Variants in RAB21 observed in about 807,000 individuals in gnomAD.
RAB21 encodes the protein ras-related protein Rab-21.
RAB21 carries 13 observed loss-of-function variants against 33.1 expected under a neutral mutation model. That is an observed-to-expected ratio of 0.39 (90% CI 0.26 to 0.62). The LOEUF is 0.62. RAB21 is among the 20% of genes least tolerant of loss of function. The pLI is 0.48. For synonymous variants in RAB21, 91 were observed against 103.7 expected (o/e 0.88, Z 0.74); for missense variants, 234 against 279.1 (o/e 0.84, Z 1.15).
chr12:71,781,605 T>A (rs181222246), intron 4 of RAB21, among the ~76,000 whole-genome samples: 247 of 152,290 alleles, frequency 1.6e-3, no homozygotes, highest in African/African-American at 5.6e-3. Context: ...GAGGCTAGAT[T>A]AATATATTTT....
At chr12:71,776,749 A>G (rs570324828) in intron 4 of RAB21, among the ~76,000 whole-genome samples, 1 of 152,036 alleles carries the variant, frequency 6.6e-6, no homozygotes, top group Non-Finnish European at 1.5e-5. Flanking sequence ...CTTATTTACT[A>G]CTTTTCCCAA....
intron 4 of RAB21, among the ~76,000 whole-genome samples, chr12:71,778,232 T>G (rs1883149421): frequency 6.6e-6 from 1 of 152,180 alleles, no homozygotes; most frequent in Admixed American, 6.5e-5. Flanking sequence ...TTCCTCTAGG[T>G]TGTCATTAAT....
intron 4 of RAB21, among the ~76,000 whole-genome samples, chr12:71,778,866 G>A (rs1883157725): frequency 6.6e-6 from 1 of 152,182 alleles, no homozygotes; most frequent in Non-Finnish European, 1.5e-5. Context: ...TTACCTGCAA[G>A]GCGTGGTGGC....
chr12:71,755,089 G>C lies in RAB21; in HGVS notation c.-41G>C. 1 of 1,074,482 alleles carries C rather than the reference G, an allele frequency of 9.3e-7. No homozygotes were observed. Among genetic ancestry groups the C allele is most frequent in the East Asian group, 7.1e-5 (1 of 14,184 alleles). 66.6% of individuals were successfully genotyped at this position (1,074,482 alleles called of 1,614,324 possible). On this transcript the variant is annotated 5_prime_UTR_variant, in exon 1 of 7. Coordinates refer to ENST00000261263, the MANE Select transcript of RAB21 (RefSeq NM_014999.4). ...AGGCGCTGCCGCGGCTGTCGGGAGG[G>C]CGGCGCGACACTCGGGCTCGGGCGG...
chr12:71,793,127 T>G lies in RAB21; in HGVS notation c.*7454T>G, dbSNP rs1250872925. 1 of 152,234 alleles carries G rather than the reference T, an allele frequency of 6.6e-6. No individual in the cohort carries two copies. 9.4% of individuals were successfully genotyped at this position (152,234 alleles called of 1,614,324 possible). A position where few individuals can be genotyped will look rare whatever the true frequency, so the allele number is the denominator to read the frequency against. ...TGAATAAACTGATGCCTCCTGCTTA[T>G]TTAGACAGCAGCCATTTTTGTTTGG... On this transcript the variant is annotated 3_prime_UTR_variant, in exon 7 of 7. Coordinates refer to ENST00000261263, the MANE Select transcript of RAB21 (RefSeq NM_014999.4).
chr12:71,782,188 G>A, intron 5 of RAB21, 103 bp downstream of exon 5: 1 of 1,101,218 alleles, frequency 9.1e-7, no homozygotes, highest in Non-Finnish European at 1.3e-6. Flanking sequence ...CTCTTAGCAT[G>A]GATTGAGGTG....
chr12:71,777,921 T>G (rs941025859), intron 4 of RAB21, among the ~76,000 whole-genome samples: 3 of 152,206 alleles, frequency 2.0e-5, no homozygotes, highest in African/African-American at 7.2e-5. Flanking sequence ...ATTGCTTAAA[T>G]TTTTTAGCAG....
rs1336733434 is a variant in RAB21 at position 71,787,755 on chromosome 12, G to A, written c.*2082G>A. Reference sequence around the variant, plus strand: ...AGGAAGTTGGGGTGGGAAGAGTCAGGGAGATAAGCTAAAATTGTCTTCTTT... The same window carrying A: ...AGGAAGTTGGGGTGGGAAGAGTCAGAGAGATAAGCTAAAATTGTCTTCTTT... On this transcript the variant is annotated 3_prime_UTR_variant, in exon 7 of 7. Coordinates refer to ENST00000261263, the MANE Select transcript of RAB21 (RefSeq NM_014999.4). The A allele has an allele frequency of 1.3e-5, 2 of 152,084 alleles. No homozygotes were observed. Among genetic ancestry groups the A allele is most frequent in the Non-Finnish European group, 2.9e-5 (2 of 68,030 alleles). The allele number at this position is 152,084 out of a possible 1,614,324, so 9.4% of individuals were successfully genotyped here.
Position 71,770,648 on chromosome 12 carries a change from A to C in RAB21, c.276A>C (p.Ser92=). 6.2e-7 allele frequency: 1 copy of C among 1,609,356 alleles called. No individual in the cohort carries two copies. Among genetic ancestry groups the C allele is most frequent in the Non-Finnish European group, 8.5e-7 (1 of 1,176,306 alleles). ...HALGPIYYRD[S]NGAILVYDIT... is the part of the protein sequence containing the mutation. ...TGGGTCCAATTTACTACAGAGATTC[A>C]AATGGAGCGATTTTAGTTTATGACA... Residue 92 remains serine, a synonymous_variant, in exon 3 of 7, where the codon TCA becomes TCC. Transcript: ENST00000261263.
At chr12:71,774,679 C>T (rs1396139643) in intron 4 of RAB21, among the ~76,000 whole-genome samples, 1 of 151,256 alleles carries the variant, frequency 6.6e-6, no homozygotes, top group Non-Finnish European at 1.5e-5. Flanking sequence ...ATCACTTGAA[C>T]CCAGGAGGTG....
In RAB21 at chr12:71,762,286, GGTTTT is replaced by G. The variant is rs200338487; in HGVS notation, c.159+7029_159+7033del. Among the ~76,000 whole-genome samples the G allele has an allele frequency of 1.2e-3, 180 of 151,344 alleles. No individual in the cohort carries two copies. In the East Asian group the frequency reaches 0.013, roughly 11 times the overall value. On this transcript the variant is annotated intron_variant, in intron 1 of 6. Transcript: ENST00000261263. ...TGAAAATATTCAAGCACCTAGCTTAGGTTTTGTTTTGTTTTGTTTTGTTTTGTTTT... is the reference window on the plus strand; with the variant it reads ...TGAAAATATTCAAGCACCTAGCTTAGGTTTTGTTTTGTTTTGTTTTGTTTT...
At chr12:71,779,403 G>A (rs541379267) in intron 4 of RAB21, among the ~76,000 whole-genome samples, 4 of 152,256 alleles carry the variant, frequency 2.6e-5, no homozygotes, top group African/African-American at 7.2e-5. Flanking sequence ...GCAGAGAGCC[G>A]TGTTCACGCC....
At chr12:71,781,466 CAA>C (rs35453463) in intron 4 of RAB21, among the ~76,000 whole-genome samples, 103 of 110,206 alleles carry the variant, frequency 9.3e-4, no homozygotes, top group Middle Eastern at 5.3e-3. Flanking sequence ...GAGACTCCGT[CAA>C]AAAAAAAAAA....
Position 71,788,751 on chromosome 12 carries a change from A to C in RAB21, c.*3078A>C, listed in dbSNP as rs1214444745. Reference sequence around the variant, plus strand: ...TTAAGATAGTGATTAAAAATACCTGAATATTATGTTAAAAGTATACAATCA... The same window carrying C: ...TTAAGATAGTGATTAAAAATACCTGCATATTATGTTAAAAGTATACAATCA... On this transcript the variant is annotated 3_prime_UTR_variant, in exon 7 of 7. Transcript: ENST00000261263. 6.6e-6 allele frequency: 1 copy of C among 152,172 alleles called. No homozygotes were observed. The highest frequency in any genetic ancestry group is 1.5e-5 in the Non-Finnish European group (1 of 68,010). The allele number at this position is 152,172 out of a possible 1,614,324, so 9.4% of individuals were successfully genotyped here. A position where few individuals can be genotyped will look rare whatever the true frequency, so the allele number is the denominator to read the frequency against.
At position 71,794,221 on chromosome 12, in the gene RAB21, CAAAAAAAGAAAAAA is replaced by C. The variant is rs1883427827; in HGVS notation, c.*8549_*8562del. 7.7e-6 allele frequency: 1 copy of C among 130,160 alleles called. No individual in the cohort carries two copies. The highest frequency in any genetic ancestry group is 3.4e-5 in the African/African-American group (1 of 29,038). The allele number at this position is 130,160 out of a possible 1,614,324, so 8.1% of individuals were successfully genotyped here. On this transcript the variant is annotated 3_prime_UTR_variant, in exon 7 of 7. Coordinates refer to ENST00000261263, the MANE Select transcript of RAB21 (RefSeq NM_014999.4). Reference sequence around the variant, plus strand: ...TGGACGACAGAGTGAGGCCCTGTCTCAAAAAAAGAAAAAAGAAAAAAAAAAGTTAAAAGTTGTGG... The same window carrying C: ...TGGACGACAGAGTGAGGCCCTGTCTCGAAAAAAAAAAGTTAAAAGTTGTGG...
intron 1 of RAB21, among the ~76,000 whole-genome samples, chr12:71,757,226 A>G (rs148886605): frequency 1.0e-3 from 155 of 152,042 alleles, no homozygotes; most frequent in Middle Eastern, 3.4e-3. Context: ...TCCTGCGTCA[A>G]CCTCTCAAGT....
rs1038534098 is a variant in RAB21 at position 71,795,300 on chromosome 12, A to C, written c.*9627A>C. ...GTATTTGTAGTGGTGCTTAAAAAAG[A>C]AGCAGCAGCAGCTGTTCTAAGCCAA... is the stretch of plus-strand genomic sequence containing the variant. On this transcript the variant is annotated 3_prime_UTR_variant, in exon 7 of 7. Coordinates refer to ENST00000261263, the MANE Select transcript of RAB21 (RefSeq NM_014999.4). 3.3e-5 allele frequency: 5 copies of C among 152,240 alleles called. No homozygotes were observed. The highest frequency in any genetic ancestry group is 1.2e-4 in the African/African-American group (5 of 41,462). The allele number at this position is 152,240 out of a possible 1,614,324, so 9.4% of individuals were successfully genotyped here. A position where few individuals can be genotyped will look rare whatever the true frequency, so the allele number is the denominator to read the frequency against.
chr12:71,759,742 A>G (rs964471085), intron 1 of RAB21, among the ~76,000 whole-genome samples: 2 of 152,256 alleles, frequency 1.3e-5, no homozygotes, highest in African/African-American at 4.8e-5. Flanking sequence ...TGCAGAAGAC[A>G]AGATAGGCTG....
rs142566820 is a variant in RAB21, at chr12:71,759,384, CAG to C, written c.159+4105_159+4106del. Reference sequence around the variant, plus strand: ...CATTATTAAAGACTATGAAAGAAAGCAGAGAGAGAGGGCCAAGTGCAAAGCTC... The same window carrying C: ...CATTATTAAAGACTATGAAAGAAAGCAGAGAGAGGGCCAAGTGCAAAGCTC... On this transcript the variant is annotated intron_variant, in intron 1 of 6. Coordinates refer to ENST00000261263, the MANE Select transcript of RAB21 (RefSeq NM_014999.4). 4.3e-4 allele frequency among the ~76,000 whole-genome samples: 65 copies of C among 152,242 alleles called. No individual in the cohort carries two copies. In the East Asian group the frequency reaches 5.2e-3, roughly 12 times the overall value.
Sources: allele counts gnomAD v4.1 joint callset (sites outside exome capture counted in the v4.1 genomes callset), GRCh38; gene constraint gnomAD v4.1.1; transcripts MANE v1.5; gene names NCBI Gene and HGNC (gene_info 2026-07-23, HGNC 2026-07-21).